The following NUDT7 variants were observed in gnomAD, a reference collection of about 807,000 sequenced individuals.
NUDT7 encodes the protein nudix hydrolase 7, also known as peroxisomal coenzyme A diphosphatase NUDT7.
In NUDT7, 19 loss-of-function variants were observed where a neutral mutation model predicts 13.1. The observed-to-expected ratio is 1.45, with a 90% CI of 1.01 to 2.13. The LOEUF (loss-of-function observed/expected upper bound fraction) is 2.13, where lower values mean the gene tolerates loss of function less well. NUDT7 is among the 30% of genes most tolerant of loss of function. The pLI is 0.00. For missense variants in NUDT7, 360 were observed against 291.7 expected, an observed-to-expected ratio of 1.23 and a Z score of -1.71; for synonymous variants, 132 against 109.7, an observed-to-expected ratio of 1.20 and a Z score of -1.27.
At chr16:77,727,076 C>T (rs545525266) in intron 2 of NUDT7, among the ~76,000 whole-genome samples, 6 of 152,230 alleles carry the variant, frequency 3.9e-5, no homozygotes, top group East Asian at 1.9e-4. Flanking sequence ...CTAAACCATG[C>T]GTGAGAAATC....
chr16:77,741,611 T>A lies in NUDT7; in HGVS notation c.378T>A (p.Gly126=). Residue 126 remains glycine, a synonymous_variant, in exon 4 of 4, where the codon GGT becomes GGA. Coordinates refer to ENST00000268533, the MANE Select transcript of NUDT7 (RefSeq NM_001105663.3). ...DTDTLITPFV[G]LIDHNFQAQP... is the part of the protein sequence containing the mutation. ...ATACATTGATAACTCCATTTGTGGGTTTAATAGACCACAACTTCCAGGCCC... is the reference window on the plus strand; with the variant it reads ...ATACATTGATAACTCCATTTGTGGGATTAATAGACCACAACTTCCAGGCCC... 6.2e-7 allele frequency: 1 copy of A among 1,612,340 alleles called. No individual in the cohort carries two copies. The highest frequency in any genetic ancestry group is 8.5e-7 in the Non-Finnish European group (1 of 1,179,666).
intron 3 of NUDT7, among the ~76,000 whole-genome samples, chr16:77,739,531 C>T (rs934103373): frequency 6.6e-6 from 1 of 152,166 alleles, no homozygotes; most frequent in African/African-American, 2.4e-5. Context: ...AGGTTACTTT[C>T]ATTGCCATCT....
Position 77,735,911 on chromosome 16 carries a change from G to T in NUDT7, c.273G>T (p.Arg91=), listed in dbSNP as rs2014466807. 1 of 1,613,928 alleles carries T rather than the reference G, an allele frequency of 6.2e-7. No homozygotes were observed. The highest frequency in any genetic ancestry group is 8.5e-7 in the Non-Finnish European group (1 of 1,180,000). ...TGGATGATGCAGCCACAGCTCTCCG[G>T]GAAGCCCAGGAGGAAGTGGGTCTCC... is the stretch of plus-strand genomic sequence containing the variant. The part of the protein sequence containing the change: ...TDMDDAATAL[R]EAQEEVGLRP... The change falls in exon 3 of 4, where the codon CGG becomes CGT. Residue 91 remains arginine, a synonymous_variant. Coordinates refer to ENST00000268533, the MANE Select transcript of NUDT7 (RefSeq NM_001105663.3).
At chr16:77,722,662 G>T (rs1476185473) in intron 1 of NUDT7, 45 bp downstream of exon 1, 3 of 1,556,722 alleles carry the variant, frequency 1.9e-6, no homozygotes, top group South Asian at 1.2e-5. Context: ...GGTCAGGCCC[G>T]GCCTTGATCG....
intron 2 of NUDT7, among the ~76,000 whole-genome samples, chr16:77,726,925 A>G (rs776465365): frequency 3.3e-5 from 5 of 150,282 alleles, no homozygotes; most frequent in Non-Finnish European, 7.4e-5. Context: ...AGTTTCTGGA[A>G]AGGCCTCAGG....
intron 2 of NUDT7, among the ~76,000 whole-genome samples, chr16:77,732,733 C>T (rs1409130101): frequency 1.3e-5 from 2 of 152,162 alleles, no homozygotes; most frequent in Non-Finnish European, 2.9e-5. Context: ...GTTGTTTACA[C>T]GATGATGAAA....
At chr16:77,725,635 C>T (rs772663161) in intron 2 of NUDT7, 51 bp downstream of exon 2, 1 of 1,558,714 alleles carries the variant, frequency 6.4e-7, no homozygotes, top group South Asian at 1.2e-5. Flanking sequence ...ATCAGAAGAC[C>T]TCACGAGATT....
chr16:77,742,034 A>C lies in NUDT7; in HGVS notation c.*84A>C. 2 of 1,491,594 alleles carry C rather than the reference A, an allele frequency of 1.3e-6. No homozygotes were observed. Among genetic ancestry groups the C allele is most frequent in the South Asian group, 2.8e-5 (2 of 71,578 alleles). 92.4% of individuals were successfully genotyped at this position (1,491,594 alleles called of 1,614,324 possible). A position where few individuals can be genotyped will look rare whatever the true frequency, so the allele number is the denominator to read the frequency against. On this transcript the variant is annotated 3_prime_UTR_variant, in exon 4 of 4. Coordinates refer to ENST00000268533, the MANE Select transcript of NUDT7 (RefSeq NM_001105663.3). ...GAACAACAACAATGCCAGCTGTTGGAATTTGACAGGTGTGAATATTTTTTC... is the reference window on the plus strand; with the variant it reads ...GAACAACAACAATGCCAGCTGTTGGCATTTGACAGGTGTGAATATTTTTTC...
intron 3 of NUDT7, among the ~76,000 whole-genome samples, chr16:77,738,741 C>A (rs553311649): frequency 1.2e-4 from 19 of 152,256 alleles, no homozygotes; most frequent in Admixed American, 1.1e-3. Flanking sequence ...TATGTACCCG[C>A]TACATAAGCC....
chr16:77,728,649 C>T (rs1014249986), intron 2 of NUDT7, among the ~76,000 whole-genome samples: 4 of 152,202 alleles, frequency 2.6e-5, no homozygotes, highest in African/African-American at 9.6e-5. Flanking sequence ...CTGTAAAACG[C>T]CCAGCACGGC....
intron 2 of NUDT7, chr16:77,735,523 C>T (rs921737440): frequency 1.6e-5 from 9 of 559,766 alleles, no homozygotes; most frequent in Non-Finnish European, 2.9e-5. Context: ...CCAACCAAAC[C>T]TCTTTTCTTT....
chr16:77,741,733 G>C lies in NUDT7; in HGVS notation c.500G>C (p.Gly167Ala), dbSNP rs749841614. Reference sequence around the variant, plus strand: ...GACCAGCATTACGTCACACGTCTTGGTCACCGTTTTATTAATCATATCTTT... The same window carrying C: ...GACCAGCATTACGTCACACGTCTTGCTCACCGTTTTATTAATCATATCTTT... Reference protein sequence around the residue: ...VHDQHYVTRLGHRFINHIFEY... With the variant: ...VHDQHYVTRLAHRFINHIFEY... The change falls in exon 4 of 4, where the codon GGT becomes GCT. Residue 167 changes from glycine to alanine, a missense_variant. By Grantham distance (60) the Gly-to-Ala change is moderately conservative. Coordinates refer to ENST00000268533, the MANE Select transcript of NUDT7 (RefSeq NM_001105663.3). 3 of 1,614,050 alleles carry C rather than the reference G, an allele frequency of 1.9e-6. No homozygotes were observed. The highest frequency in any genetic ancestry group is 2.5e-6 in the Non-Finnish European group (3 of 1,180,032).
chr16:77,730,937 A>G (rs201446782), intron 2 of NUDT7, among the ~76,000 whole-genome samples: 1 of 140,888 alleles, frequency 7.1e-6, no homozygotes, highest in Non-Finnish European at 1.5e-5. Context: ...ATTTTTTTTT[A>G]TTATTGATAT....
chr16:77,741,493 T>C, intron 3 of NUDT7, 89 bp from the exon 4 acceptor site: 2 of 1,362,502 alleles, frequency 1.5e-6, no homozygotes, highest in South Asian at 1.4e-5. Context: ...CGGTGTATTT[T>C]CTTAGCTCAC....
chr16:77,742,051 T>C lies in NUDT7; in HGVS notation c.*101T>C. On this transcript the variant is annotated 3_prime_UTR_variant, in exon 4 of 4. Coordinates refer to ENST00000268533, the MANE Select transcript of NUDT7 (RefSeq NM_001105663.3). ...GCTGTTGGAATTTGACAGGTGTGAA[T>C]ATTTTTTCTGCAGTATGTAGTTAGA... 6.7e-7 allele frequency: 1 copy of C among 1,484,996 alleles called. No homozygotes were observed. Among genetic ancestry groups the C allele is most frequent in the Non-Finnish European group, 8.9e-7 (1 of 1,126,798 alleles). The allele number at this position is 1,484,996 out of a possible 1,614,324, so 92.0% of individuals were successfully genotyped here.
intron 3 of NUDT7, among the ~76,000 whole-genome samples, chr16:77,738,429 AG>A (rs1255475133): frequency 1.3e-5 from 2 of 152,228 alleles, no homozygotes; most frequent in Non-Finnish European, 2.9e-5. Context: ...TGGAAGTGCA[AG>A]GGAGGGTTGC....
At chr16:77,737,867 G>A (rs974787182) in intron 3 of NUDT7, among the ~76,000 whole-genome samples, 5 of 152,214 alleles carry the variant, frequency 3.3e-5, no homozygotes, top group African/African-American at 1.2e-4. Flanking sequence ...TAGAAAACCA[G>A]TGGGTTAGAT....
chr16:77,734,394 A>T (rs537046120), intron 2 of NUDT7, among the ~76,000 whole-genome samples: 2 of 152,190 alleles, frequency 1.3e-5, no homozygotes, highest in East Asian at 1.9e-4. Flanking sequence ...GAGGCCGAGG[A>T]GGGCAGATCA....
chr16:77,725,600 A>G lies in NUDT7; in HGVS notation c.189+16A>G. The G allele has an allele frequency of 6.2e-7, 1 of 1,612,516 alleles. No homozygotes were observed. The highest frequency in any genetic ancestry group is 8.5e-7 in the Non-Finnish European group (1 of 1,179,248). On this transcript the variant is annotated intron_variant, in intron 2 of 3. Coordinates refer to ENST00000268533, the MANE Select transcript of NUDT7 (RefSeq NM_001105663.3). ...GTCAGAGAAGGTAGGTGGACAAAAA[A>G]TTTCCTGCCCTTAAACCTCAGGACA... is the stretch of plus-strand genomic sequence containing the variant.
Sources: gnomAD v4.1 joint callset for allele counts (sites outside exome capture counted in the v4.1 genomes callset) on GRCh38, gnomAD v4.1.1 for gene constraint, MANE v1.5 for transcripts, NCBI Gene and HGNC (gene_info 2026-07-23, HGNC 2026-07-21) for gene names.